The following METTL15 variants were observed in gnomAD, a reference collection of about 807,000 sequenced individuals.
METTL15 encodes the protein methyltransferase 15, mitochondrial 12S rRNA N4-cytidine.
METTL15 carries 34 observed loss-of-function variants against 38.3 expected under a neutral mutation model. The observed-to-expected ratio is 0.89, with a 90% CI of 0.68 to 1.18. METTL15 has a LOEUF of 1.18. METTL15 is among the 50% of genes most tolerant of loss of function. The pLI, the probability that METTL15 is intolerant of heterozygous loss-of-function variation, is 0.00. For synonymous variants in METTL15, 162 were observed against 170.9 expected, an observed-to-expected ratio of 0.95 and a Z score of 0.41; for missense variants, 438 against 498.4, an observed-to-expected ratio of 0.88 and a Z score of 1.15.
chr11:28,226,450 A>G (rs1853480961), intron 4 of METTL15, among the ~76,000 whole-genome samples: 1 of 152,006 alleles, frequency 6.6e-6, no homozygotes, highest in Non-Finnish European at 1.5e-5. Context: ...AGAGAGTTAC[A>G]AAAATATTTT....
At chr11:28,447,815 C>T (rs1851087568) in intron 6 of METTL15, among the ~76,000 whole-genome samples, 2 of 152,070 alleles carry the variant, frequency 1.3e-5, no homozygotes, top group Admixed American at 1.3e-4. Flanking sequence ...GTTAGGATGG[C>T]CATATCAGTT....
intron 6 of METTL15, among the ~76,000 whole-genome samples, chr11:28,495,509 G>A (rs183272444): frequency 3.3e-5 from 5 of 152,204 alleles, no homozygotes; most frequent in East Asian, 1.9e-4. Flanking sequence ...CCTTTACATC[G>A]TGCTTGGCTT....
intron 3 of METTL15, among the ~76,000 whole-genome samples, chr11:28,144,598 T>C (rs1849814431): frequency 6.6e-6 from 1 of 152,114 alleles, no homozygotes; most frequent in Non-Finnish European, 1.5e-5. Flanking sequence ...AAGGCTTATT[T>C]TGAATGACCA....
intron 3 of METTL15, among the ~76,000 whole-genome samples, chr11:28,147,496 T>C (rs1002558292): frequency 2.6e-5 from 4 of 151,878 alleles, no homozygotes; most frequent in African/African-American, 9.7e-5. Flanking sequence ...ACCTTTTCTT[T>C]ATAGTATGTA....
At chr11:28,377,276 C>G (rs1850326108) in intron 5 of METTL15, among the ~76,000 whole-genome samples, 1 of 151,368 alleles carries the variant, frequency 6.6e-6, no homozygotes, top group Non-Finnish European at 1.5e-5. Flanking sequence ...GTTCCATTCT[C>G]CCCATCACTT....
intron 5 of METTL15, among the ~76,000 whole-genome samples, chr11:28,291,463 GT>G (rs1257002898): frequency 1.3e-5 from 2 of 152,080 alleles, no homozygotes; most frequent in South Asian, 4.1e-4. Context: ...CTTAACTGTG[GT>G]TTTTTCTCTC....
intron 3 of METTL15, among the ~76,000 whole-genome samples, chr11:28,203,502 A>G (rs767185870): frequency 2.0e-5 from 3 of 152,110 alleles, no homozygotes; most frequent in Non-Finnish European, 4.4e-5. Flanking sequence ...TTTTTGAAGA[A>G]ACAATTGTTT....
chr11:28,200,281 C>T (rs896439620), intron 3 of METTL15, among the ~76,000 whole-genome samples: 6 of 152,118 alleles, frequency 3.9e-5, no homozygotes, highest in African/African-American at 1.4e-4. Context: ...CTAAACCTCC[C>T]TTTCTTTGTA....
At chr11:28,439,048 T>A (rs1851010017) in intron 6 of METTL15, among the ~76,000 whole-genome samples, 1 of 151,052 alleles carries the variant, frequency 6.6e-6, no homozygotes, top group African/African-American at 2.4e-5. Flanking sequence ...CTGTAAGTGC[T>A]GTGATGGATG....
intron 6 of METTL15, among the ~76,000 whole-genome samples, chr11:28,320,187 T>C (rs867283424): frequency 6.7e-6 from 1 of 149,948 alleles, no homozygotes; most frequent in East Asian, 2.0e-4. Context: ...AATAGTTTTT[T>C]TTTTTTTTTT....
intron 5 of METTL15, among the ~76,000 whole-genome samples, chr11:28,372,740 G>C (rs539180225): frequency 6.7e-6 from 1 of 149,788 alleles, no homozygotes; most frequent in East Asian, 2.0e-4. Context: ...TCTAGCATTA[G>C]GTATATCTCA....
intron 6 of METTL15, among the ~76,000 whole-genome samples, chr11:28,311,757 T>C (rs1857311888): frequency 6.6e-6 from 1 of 152,258 alleles, no homozygotes; most frequent in Admixed American, 6.5e-5. Flanking sequence ...TTTAGATGTC[T>C]AGAGATATGT....
At chr11:28,514,486 C>G (rs1851702905) in intron 6 of METTL15, among the ~76,000 whole-genome samples, 1 of 152,204 alleles carries the variant, frequency 6.6e-6, no homozygotes, top group Non-Finnish European at 1.5e-5. Context: ...TCCATACTAG[C>G]TTTTTTCACA....
chr11:28,237,900 G>A (rs1248130292), intron 4 of METTL15, among the ~76,000 whole-genome samples: 1 of 152,174 alleles, frequency 6.6e-6, no homozygotes, highest in African/African-American at 2.4e-5. Context: ...TATCAGCAGC[G>A]GTGGCTGCAG....
chr11:28,194,192 C>CCTCTCTCTCTCTCTCTCCT (rs1554995665), intron 3 of METTL15, among the ~76,000 whole-genome samples: 1 of 125,060 alleles, frequency 8.0e-6, no homozygotes, highest in Non-Finnish European at 1.6e-5. Flanking sequence ...CTCTCTCTCT[C>CCTCTCTCTCTCTCTCTCCT]CTCTCTCTCT....
chr11:28,205,685 G>C (rs1173989711), intron 3 of METTL15, among the ~76,000 whole-genome samples: 3 of 151,536 alleles, frequency 2.0e-5, no homozygotes, highest in African/African-American at 7.3e-5. Flanking sequence ...TCGCCACACT[G>C]ACTTCCACAA....
intron 3 of METTL15, among the ~76,000 whole-genome samples, chr11:28,156,945 T>C (rs1422152443): frequency 1.3e-5 from 2 of 152,106 alleles, no homozygotes; most frequent in East Asian, 1.9e-4. Flanking sequence ...TCTGAAAACA[T>C]GTTTGTTTAA....
At chr11:28,526,281 G>A (rs183919057) in intron 6 of METTL15, among the ~76,000 whole-genome samples, 51 of 152,350 alleles carry the variant, frequency 3.3e-4, no homozygotes, top group Admixed American at 8.5e-4. Flanking sequence ...CAGAGCTGAC[G>A]CCGAGGCCGA....
chr11:28,137,079 T>C (rs1301741977), intron 3 of METTL15, among the ~76,000 whole-genome samples: 1 of 152,164 alleles, frequency 6.6e-6, no homozygotes, highest in Non-Finnish European at 1.5e-5. Flanking sequence ...AGTTTGACCA[T>C]GAGGTGAGAT....
Sources: gnomAD v4.1 joint callset for allele counts (sites outside exome capture counted in the v4.1 genomes callset) on GRCh38, gnomAD v4.1.1 for gene constraint, MANE v1.5 for transcripts, NCBI Gene and HGNC (gene_info 2026-07-23, HGNC 2026-07-21) for gene names.